The following GRID1 variants were observed in gnomAD, a reference collection of about 807,000 sequenced individuals.
GRID1 encodes glutamate ionotropic receptor delta type subunit 1.
A neutral mutation model predicts 98.0 loss-of-function variants in GRID1; 28 were observed. The ratio of observed to expected loss-of-function variants is 0.29; its 90% CI spans 0.21 to 0.39. GRID1 has a LOEUF of 0.39. Ranked by LOEUF, GRID1 falls within the 10% of genes least tolerant of loss-of-function variation. The pLI, the probability that GRID1 is intolerant of heterozygous loss-of-function variation, is 1.00. For synonymous variants in GRID1, 553 were observed against 538.5 expected, an observed-to-expected ratio of 1.03 and a Z score of -0.37; for missense variants, 1,111 against 1,340.5, an observed-to-expected ratio of 0.83 and a Z score of 2.67.
At chr10:85,752,529 C>A (rs1457350128) in intron 8 of GRID1, among the ~76,000 whole-genome samples, 1 of 152,090 alleles carries the variant, frequency 6.6e-6, no homozygotes, top group Non-Finnish European at 1.5e-5. Flanking sequence ...AAATGTCTTG[C>A]CTGACTTGAG....
intron 4 of GRID1, among the ~76,000 whole-genome samples, chr10:86,044,251 G>A (rs1160829126): frequency 2.0e-5 from 3 of 152,178 alleles, no homozygotes; most frequent in Non-Finnish European, 4.4e-5. Flanking sequence ...GCATTTCATT[G>A]CATTGTTTAT....
intron 14 of GRID1, among the ~76,000 whole-genome samples, chr10:85,616,627 A>G (rs1009541441): frequency 6.6e-6 from 1 of 152,262 alleles, no homozygotes; most frequent in Non-Finnish European, 1.5e-5. Flanking sequence ...AGCATAACAT[A>G]AAACAAAAAA....
At chr10:85,936,778 G>T (rs1036084443) in intron 4 of GRID1, among the ~76,000 whole-genome samples, 1 of 152,130 alleles carries the variant, frequency 6.6e-6, no homozygotes, top group South Asian at 2.1e-4. Context: ...GAGTTATTTT[G>T]ATGTTCAATT....
intron 8 of GRID1, among the ~76,000 whole-genome samples, chr10:85,815,015 C>A (rs1348573250): frequency 6.6e-6 from 1 of 151,976 alleles, no homozygotes; most frequent in Non-Finnish European, 1.5e-5. Flanking sequence ...TACCAGCAAA[C>A]TGAAAGGAGC....
chr10:86,345,892 A>T (rs558303261), intron 2 of GRID1, among the ~76,000 whole-genome samples: 2 of 152,120 alleles, frequency 1.3e-5, no homozygotes, highest in South Asian at 4.2e-4. Flanking sequence ...TCTGAGCCCT[A>T]GCTCCAGCTA....
chr10:85,730,977 C>A (rs1333795199), intron 8 of GRID1, among the ~76,000 whole-genome samples: 1 of 152,120 alleles, frequency 6.6e-6, no homozygotes, highest in Admixed American at 6.5e-5. Context: ...CCTAGTTAAC[C>A]TGAAGAGAAG....
intron 8 of GRID1, among the ~76,000 whole-genome samples, chr10:85,807,281 C>T (rs2131742227): frequency 6.6e-6 from 1 of 151,436 alleles, no homozygotes; most frequent in South Asian, 2.1e-4. Flanking sequence ...ACCCAGGAGG[C>T]AGAGGTTGCA....
At chr10:85,824,660 C>T (rs1341081713) in intron 8 of GRID1, among the ~76,000 whole-genome samples, 2 of 152,066 alleles carry the variant, frequency 1.3e-5, no homozygotes, top group Non-Finnish European at 2.9e-5. Context: ...GTACATTGTA[C>T]CCAATATATA....
intron 8 of GRID1, among the ~76,000 whole-genome samples, chr10:85,783,172 T>C (rs1361837596): frequency 6.6e-6 from 1 of 152,180 alleles, no homozygotes; most frequent in East Asian, 1.9e-4. Context: ...TAGAAAAGAC[T>C]GTCTCCCGGG....
At chr10:85,982,062 G>C (rs147190931) in intron 4 of GRID1, among the ~76,000 whole-genome samples, 2 of 152,070 alleles carry the variant, frequency 1.3e-5, no homozygotes, top group Admixed American at 6.6e-5. Flanking sequence ...TGAGGTGAGC[G>C]CTTGTTTGGC....
chr10:86,005,053 A>G (rs945422884), intron 4 of GRID1, among the ~76,000 whole-genome samples: 1 of 152,180 alleles, frequency 6.6e-6, no homozygotes, highest in Non-Finnish European at 1.5e-5. Flanking sequence ...CTCAAATTCT[A>G]TATCTTTTCT....
chr10:86,182,306 G>A (rs541468532), intron 3 of GRID1, among the ~76,000 whole-genome samples: 62 of 152,324 alleles, frequency 4.1e-4, no homozygotes, highest in African/African-American at 7.2e-4. Flanking sequence ...TCCGGGCCAC[G>A]GAGACTCCAG....
At chr10:86,091,252 C>T (rs1465743254) in intron 4 of GRID1, among the ~76,000 whole-genome samples, 1 of 152,170 alleles carries the variant, frequency 6.6e-6, no homozygotes. Flanking sequence ...TTTTCAAGCC[C>T]ATCTCGCACT....
At chr10:86,007,168 C>T (rs1187991159) in intron 4 of GRID1, among the ~76,000 whole-genome samples, 5 of 152,128 alleles carry the variant, frequency 3.3e-5, no homozygotes, top group African/African-American at 7.2e-5. Context: ...GAAAATTAAA[C>T]GCTGTTTTGT....
chr10:86,303,055 C>A (rs2132083021), intron 2 of GRID1, among the ~76,000 whole-genome samples: 1 of 152,202 alleles, frequency 6.6e-6, no homozygotes, highest in Non-Finnish European at 1.5e-5. Flanking sequence ...ATTTTGGGGG[C>A]AATTAGGGAA....
intron 4 of GRID1, among the ~76,000 whole-genome samples, chr10:85,993,878 G>C (rs1842710683): frequency 6.7e-6 from 1 of 149,904 alleles, no homozygotes; most frequent in African/African-American, 2.4e-5. Flanking sequence ...TTCCGTCTCT[G>C]ATGATGTTCA....
At chr10:86,220,720 C>T (rs1032884897) in intron 2 of GRID1, among the ~76,000 whole-genome samples, 4 of 152,208 alleles carry the variant, frequency 2.6e-5, no homozygotes, top group African/African-American at 9.7e-5. Flanking sequence ...TGCAGGAGCT[C>T]TTCTCATTCA....
intron 12 of GRID1, among the ~76,000 whole-genome samples, chr10:85,694,837 T>C (rs1044222385): frequency 6.6e-6 from 1 of 151,338 alleles, no homozygotes; most frequent in African/African-American, 2.4e-5. Flanking sequence ...GAGGTGACAA[T>C]GAGAAATTAC....
At chr10:86,163,046 G>C (rs755215204) in intron 3 of GRID1, among the ~76,000 whole-genome samples, 7 of 152,222 alleles carry the variant, frequency 4.6e-5, no homozygotes, top group Non-Finnish European at 7.3e-5. Flanking sequence ...GAAACACAGG[G>C]GCTGAGATTC....
Sources: gnomAD v4.1 joint callset for allele counts (sites outside exome capture counted in the v4.1 genomes callset) on GRCh38, gnomAD v4.1.1 for gene constraint, MANE v1.5 for transcripts, NCBI Gene and HGNC (gene_info 2026-07-23, HGNC 2026-07-21) for gene names.